The following DVL1 variants were observed in gnomAD, a reference collection of about 807,000 sequenced individuals.
DVL1 encodes segment polarity protein dishevelled homolog DVL-1.
A neutral mutation model predicts 65.0 loss-of-function variants in DVL1; 49 were observed. The ratio of observed to expected loss-of-function variants is 0.75; its 90% CI spans 0.60 to 0.96. DVL1 has a LOEUF of 0.96. DVL1 is among the 40% of genes least tolerant of loss of function. DVL1 has a pLI of 0.00. For missense variants in DVL1, 1,197 were observed against 1,045.4 expected, an observed-to-expected ratio of 1.15 and a Z score of -2.00; for synonymous variants, 608 against 433.9, an observed-to-expected ratio of 1.40 and a Z score of -4.99.
intron 5 of DVL1, among the ~76,000 whole-genome samples, chr1:1,341,299 CAT>C (rs1404243399): frequency 1.3e-5 from 2 of 152,106 alleles, no homozygotes; most frequent in Non-Finnish European, 2.9e-5. Flanking sequence ...CTCACACACA[CAT>C]ACATGCACAC....
chr1:1,339,972 G>A (rs1421821375), intron 8 of DVL1, 66 bp downstream of exon 8: 32 of 1,569,320 alleles, frequency 2.0e-5, no homozygotes, highest in Middle Eastern at 2.2e-4. Context: ...GCAGCCGCAC[G>A]TCACCCCAAA....
At chr1:1,341,210 C>T (rs1376584510) in intron 5 of DVL1, among the ~76,000 whole-genome samples, 1 of 150,452 alleles carries the variant, frequency 6.6e-6, no homozygotes, top group African/African-American at 2.4e-5. Flanking sequence ...CACCTGCACA[C>T]ACGCACACGC....
chr1:1,340,809 ATGCACACACC>A (rs985957617), intron 5 of DVL1, among the ~76,000 whole-genome samples: 30 of 128,060 alleles, frequency 2.3e-4, no homozygotes, highest in African/African-American at 6.6e-4. Context: ...CAAGGCACAC[ATGCACACACC>A]TGCACACACA....
At chr1:1,348,432 G>A (rs1464653086) in intron 1 of DVL1, among the ~76,000 whole-genome samples, 3 of 152,230 alleles carry the variant, frequency 2.0e-5, no homozygotes, top group African/African-American at 4.8e-5. Flanking sequence ...AAGGGGGCCA[G>A]GAGAACCTGT....
At chr1:1,341,142 C>G (rs1436842685) in intron 5 of DVL1, among the ~76,000 whole-genome samples, 2 of 149,668 alleles carry the variant, frequency 1.3e-5, no homozygotes, top group African/African-American at 4.9e-5. Context: ...CACCTGCACG[C>G]ACACCTTCAC....
chr1:1,335,909 G>C lies in DVL1; in HGVS notation c.*233C>G. Reference sequence around the variant, plus strand: ...CCCCACCAGACACAAGGGGTTGGGAGGTCCGAGGCTCTCGCTGAGGGGCAG... The same window carrying C: ...CCCCACCAGACACAAGGGGTTGGGACGTCCGAGGCTCTCGCTGAGGGGCAG... On this transcript the variant is annotated 3_prime_UTR_variant, in exon 15 of 15. Transcript: ENST00000378888. 1.7e-6 allele frequency: 1 copy of C among 600,484 alleles called. No individual in the cohort carries two copies. Among genetic ancestry groups the C allele is most frequent in the South Asian group, 2.0e-5 (1 of 50,360 alleles). 37.2% of individuals were successfully genotyped at this position (600,484 alleles called of 1,614,324 possible). A position where few individuals can be genotyped will look rare whatever the true frequency, so the allele number is the denominator to read the frequency against.
chr1:1,342,815 G>A (rs1461431775), intron 1 of DVL1, 57 bp from the exon 2 acceptor site: 21 of 1,574,762 alleles, frequency 1.3e-5, no homozygotes, highest in East Asian at 2.2e-5. Flanking sequence ...TGCGGTTCTA[G>A]AGGTGAGGCC....
intron 1 of DVL1, among the ~76,000 whole-genome samples, chr1:1,346,522 C>A (rs1569743856): frequency 6.6e-6 from 1 of 152,220 alleles, no homozygotes; most frequent in Admixed American, 6.5e-5. Context: ...CTGCCCTCCT[C>A]CCAGCCCTGG....
At chr1:1,341,552 A>ACACACG in intron 5 of DVL1, 115 bp downstream of exon 5, 1 of 940,858 alleles carries the variant, frequency 1.1e-6, no homozygotes, top group South Asian at 4.6e-5. Flanking sequence ...ACACACATGC[A>ACACACG]CACACACGCA....
At position 1,340,519 on chromosome 1, in the gene DVL1, C is replaced by CA; in HGVS notation, c.606-17dup. The stretch of plus-strand genomic sequence containing the variant: ...GCTGCTGAGCCTGGGAACAGACTGT[C>CA]AGAGCTCAGAGGAGCTGGAGACATG... On this transcript the variant is annotated splice_polypyrimidine_tract_variant and intron_variant, in intron 5 of 14. Transcript: ENST00000378888. 5.7e-6 allele frequency: 9 copies of CA among 1,586,054 alleles called. No individual in the cohort carries two copies. The highest frequency in any genetic ancestry group is 7.7e-6 in the Non-Finnish European group (9 of 1,166,170).
rs1423455706 is a variant in DVL1 at position 1,340,445 on chromosome 1, G to C, written c.664C>G (p.Arg222Gly). 1 of 1,612,030 alleles carries C rather than the reference G, an allele frequency of 6.2e-7. No homozygotes were observed. The highest frequency in any genetic ancestry group is 1.7e-4 in the Middle Eastern group (1 of 6,056). Residue 222 changes from arginine (R) to glycine (G), a missense_variant, in exon 6 of 15, where the codon CGG becomes GGG. Transcript: ENST00000378888. ...SSRLIRKHKR[R>G]RRKQRLRQAD... ...TGCCGAAGGCGCTGCTTCCTCCGCC[G>C]GCGTTTGTGCTTCCGGATGAGTCTG...
chr1:1,349,123 G>T lies in DVL1; in HGVS notation c.-58C>A. On this transcript the variant is annotated 5_prime_UTR_variant, in exon 1 of 15. Transcript: ENST00000378888. This position sits in a 1 kb window ranked among gnomAD's most constrained non-coding sequence, Gnocchi z 4.1. ...GGGCCCGGCCCGGGGCTCGGACGCG[G>T]GGCGCTACCCGCCCGCCCGCCTGCG... 9.9e-7 allele frequency: 1 copy of T among 1,014,828 alleles called. No individual in the cohort carries two copies. The highest frequency in any genetic ancestry group is 1.2e-6 in the Non-Finnish European group (1 of 842,226). 62.9% of individuals were successfully genotyped at this position (1,014,828 alleles called of 1,614,324 possible). A position where few individuals can be genotyped will look rare whatever the true frequency, so the allele number is the denominator to read the frequency against.
chr1:1,343,001 G>A (rs1386614044), intron 1 of DVL1, among the ~76,000 whole-genome samples: 2 of 151,844 alleles, frequency 1.3e-5, no homozygotes, highest in East Asian at 3.9e-4. Context: ...CTCGGGAACC[G>A]TCCTTCCTCT....
At chr1:1,347,600 C>T (rs889271527) in intron 1 of DVL1, among the ~76,000 whole-genome samples, 6 of 152,208 alleles carry the variant, frequency 3.9e-5, no homozygotes, top group African/African-American at 1.4e-4. Flanking sequence ...TGGTAACTTT[C>T]GTTAGAATAA....
intron 1 of DVL1, among the ~76,000 whole-genome samples, chr1:1,346,289 T>A (rs529958333): frequency 6.6e-6 from 1 of 151,778 alleles, no homozygotes; most frequent in Admixed American, 6.6e-5. Context: ...CCTCCACCCA[T>A]CCCCCAGTCC....
chr1:1,338,761 G>A lies in DVL1; in HGVS notation c.1208-108C>T, dbSNP rs1569690813. ...GGGCAGAGCCTGCGCCAGGGCGCAA[G>A]CTGGACGGTGCGTGACAGCAGGGCC... On this transcript the variant is annotated intron_variant, in intron 11 of 14. Transcript: ENST00000378888. 6.1e-6 allele frequency: 9 copies of A among 1,467,158 alleles called. No homozygotes were observed. The East Asian group carries it at 2.2e-4, about 36-fold the overall frequency. 90.9% of individuals were successfully genotyped at this position (1,467,158 alleles called of 1,614,324 possible).
chr1:1,339,864 C>T, intron 8 of DVL1, 52 bp from the exon 9 acceptor site: 3 of 1,595,172 alleles, frequency 1.9e-6, no homozygotes, highest in Non-Finnish European at 2.5e-6. Context: ...GCTCAGTCCA[C>T]CGCCCCCGCA....
intron 11 of DVL1, among the ~76,000 whole-genome samples, chr1:1,338,888 G>A (rs956107005): frequency 2.0e-5 from 3 of 152,192 alleles, no homozygotes; most frequent in Non-Finnish European, 2.9e-5. Flanking sequence ...AGGATCCTAG[G>A]CACAAACTGG....
chr1:1,342,520 C>G (rs777686725), intron 2 of DVL1, 36 bp from the exon 3 acceptor site: 2 of 1,599,824 alleles, frequency 1.3e-6, no homozygotes, highest in Non-Finnish European at 1.7e-6. Context: ...GGGAGCCCAC[C>G]CGCCTTCAGG....
Sources: gnomAD v4.1 joint callset for allele counts (sites outside exome capture counted in the v4.1 genomes callset) on GRCh38, gnomAD v4.1.1 for gene constraint, Gnocchi (gnomAD v3.1) non-coding constraint, MANE v1.5 for transcripts, NCBI Gene and HGNC (gene_info 2026-07-23, HGNC 2026-07-21) for gene names.